Variants in SLC16A9 observed in about 807,000 individuals in gnomAD.
SLC16A9 encodes the protein monocarboxylate transporter 9.
SLC16A9 carries 26 observed loss-of-function variants against 44.3 expected under a neutral mutation model. The ratio of observed to expected loss-of-function variants is 0.59; its 90% CI spans 0.43 to 0.81. The LOEUF (loss-of-function observed/expected upper bound fraction) is 0.81, where lower values mean the gene tolerates loss of function less well. SLC16A9 is among the 40% of genes least tolerant of loss of function. The probability of loss-of-function intolerance (pLI) is 0.00; values close to 1 mark genes in which losing one functional copy is unlikely to be tolerated. For missense variants in SLC16A9, 559 were observed against 595.8 expected (o/e 0.94, Z 0.64); for synonymous variants, 230 against 225.1 (o/e 1.02, Z -0.19).
intron 1 of SLC16A9, among the ~76,000 whole-genome samples, chr10:59,702,269 G>A (rs1393291638): frequency 2.0e-5 from 3 of 152,162 alleles, no homozygotes; most frequent in Non-Finnish European, 2.9e-5. Flanking sequence ...CCAAATACAT[G>A]AGTAAAAAAA....
intron 3 of SLC16A9, among the ~76,000 whole-genome samples, chr10:59,666,344 TC>T (rs1768183877): frequency 6.6e-6 from 1 of 151,640 alleles, no homozygotes; most frequent in African/African-American, 2.4e-5. Context: ...GCATGATTCC[TC>T]TCTTCATCTG....
At chr10:59,683,400 A>C (rs867140443) in intron 2 of SLC16A9, among the ~76,000 whole-genome samples, 3 of 152,238 alleles carry the variant, frequency 2.0e-5, no homozygotes, top group African/African-American at 7.2e-5. Context: ...AGGAATCACT[A>C]TTACATCATA....
At chr10:59,696,798 G>T (rs576850127) in intron 1 of SLC16A9, among the ~76,000 whole-genome samples, 2 of 150,588 alleles carry the variant, frequency 1.3e-5, no homozygotes, top group Admixed American at 6.6e-5. Context: ...CAACCGCCCC[G>T]TCTGAGAAGT....
At chr10:59,673,417 C>G (rs984734560) in intron 2 of SLC16A9, among the ~76,000 whole-genome samples, 33 of 152,192 alleles carry the variant, frequency 2.2e-4, no homozygotes, top group African/African-American at 7.5e-4. Context: ...TAGTGAAATT[C>G]TTTCCTACTA....
intron 1 of SLC16A9, among the ~76,000 whole-genome samples, chr10:59,704,357 G>A (rs574755881): frequency 6.6e-6 from 1 of 152,086 alleles, no homozygotes; most frequent in Non-Finnish European, 1.5e-5. Flanking sequence ...GTGAAGATTT[G>A]TGATTGCCAC....
chr10:59,708,969 G>GCGCT (rs1840704251), intron 1 of SLC16A9, among the ~76,000 whole-genome samples: 1 of 152,226 alleles, frequency 6.6e-6, no homozygotes, highest in African/African-American at 2.4e-5. Context: ...CCTGCGCGCT[G>GCGCT]CGCTCCACGT....
chr10:59,676,294 T>C (rs1839856269), intron 2 of SLC16A9, among the ~76,000 whole-genome samples: 1 of 152,178 alleles, frequency 6.6e-6, no homozygotes, highest in Admixed American at 6.5e-5. Context: ...ACAAAATGTA[T>C]CAAAGTGACC....
intron 1 of SLC16A9, among the ~76,000 whole-genome samples, chr10:59,698,736 T>C (rs994216478): frequency 1.8e-4 from 27 of 151,908 alleles, no homozygotes; most frequent in African/African-American, 5.6e-4. Context: ...GTCTCTCTTT[T>C]TTTTTTTTTC....
At chr10:59,675,014 G>GA (rs1442767026) in intron 2 of SLC16A9, among the ~76,000 whole-genome samples, 1 of 152,042 alleles carries the variant, frequency 6.6e-6, no homozygotes, top group African/African-American at 2.4e-5. Flanking sequence ...TAAGCATTAG[G>GA]AAAAAATGAA....
chr10:59,672,857 T>G lies in SLC16A9; in HGVS notation c.253A>C (p.Ser85Arg). Residue 85 changes from serine to arginine, a missense_variant, in exon 3 of 6, where the codon AGT (serine) becomes CGT (arginine). Physicochemically the swap from Ser to Arg is moderately radical, Grantham distance 110. Coordinates refer to ENST00000395348, the MANE Select transcript of SLC16A9 (RefSeq NM_194298.3). ...AGGCCTCCAGCCACCATGAAGCCAC[T>G]GAAGATTGTGACAGGTCTTGCTCCA... is the stretch of plus-strand genomic sequence containing the variant. ...SFGARPVTIFSGFMVAGGLML... is the reference protein window; with the variant it reads ...SFGARPVTIFRGFMVAGGLML... 6 of 1,613,752 alleles carry G rather than the reference T, an allele frequency of 3.7e-6. No individual in the cohort carries two copies. Among genetic ancestry groups the G allele is most frequent in the Non-Finnish European group, 4.2e-6 (5 of 1,179,820 alleles).
At chr10:59,656,419 C>T (rs1316032723) in intron 4 of SLC16A9, among the ~76,000 whole-genome samples, 2 of 152,188 alleles carry the variant, frequency 1.3e-5, no homozygotes, top group Non-Finnish European at 2.9e-5. Context: ...AACAACTTTC[C>T]TATTCTTGCC....
In SLC16A9 at chr10:59,652,784, G is replaced by A. The variant is rs756531478; in HGVS notation, c.1518C>T (p.Ala506=). The A allele has an allele frequency of 6.2e-7, 1 of 1,610,706 alleles. No individual in the cohort carries two copies. The highest frequency in any genetic ancestry group is 1.1e-5 in the South Asian group (1 of 90,104). Residue 506 remains alanine (A), a synonymous_variant, in exon 6 of 6, where the codon GCC becomes GCT. Coordinates refer to ENST00000395348, the MANE Select transcript of SLC16A9 (RefSeq NM_194298.3). ...PAPTTFLYKV[A]SNV is the part of the protein sequence containing the mutation. ...TTCCAATATTCTTCTAAACATTAGA[G>A]GCAACTTTGTACAAGAAAGTTGTTG...
intron 2 of SLC16A9, among the ~76,000 whole-genome samples, chr10:59,676,995 A>G (rs1588976326): frequency 1.2e-5 from 1 of 81,036 alleles, no homozygotes; most frequent in Non-Finnish European, 4.0e-5. Flanking sequence ...AAATGTTTAA[A>G]TAAGCTAATA....
intron 3 of SLC16A9, among the ~76,000 whole-genome samples, chr10:59,668,117 GCCTTCAGTACTTTT>G (rs1171172667): frequency 6.6e-6 from 1 of 151,498 alleles, no homozygotes; most frequent in Non-Finnish European, 1.5e-5. Flanking sequence ...AGCTGTCTCA[GCCTTCAGTACTTTT>G]CCCACCAATC....
intron 1 of SLC16A9, among the ~76,000 whole-genome samples, chr10:59,696,479 C>T (rs1840378460): frequency 6.6e-6 from 1 of 152,202 alleles, no homozygotes; most frequent in African/African-American, 2.4e-5. Context: ...AGCTGCCTGC[C>T]TTGGCCCCCC....
intron 4 of SLC16A9, among the ~76,000 whole-genome samples, chr10:59,660,932 G>A (rs1016890260): frequency 2.6e-5 from 4 of 152,114 alleles, no homozygotes; most frequent in African/African-American, 9.7e-5. Flanking sequence ...ATGCAGAAAA[G>A]GCCTTCGATA....
At chr10:59,679,966 A>T (rs1839951014) in intron 2 of SLC16A9, among the ~76,000 whole-genome samples, 1 of 152,170 alleles carries the variant, frequency 6.6e-6, no homozygotes, top group Non-Finnish European at 1.5e-5. Context: ...ATTCTCCTTG[A>T]TATTTGTGAA....
At chr10:59,660,444 A>C (rs1018143271) in intron 4 of SLC16A9, among the ~76,000 whole-genome samples, 5 of 152,200 alleles carry the variant, frequency 3.3e-5, no homozygotes, top group Non-Finnish European at 5.9e-5. Flanking sequence ...TCCCAAGACT[A>C]AACCAGGAAG....
chr10:59,662,306 C>A (rs1839493194), intron 4 of SLC16A9, among the ~76,000 whole-genome samples: 1 of 150,980 alleles, frequency 6.6e-6, no homozygotes, highest in African/African-American at 2.4e-5. Context: ...AAAAACCCAT[C>A]AAAAAGTGGT....
Sources: gnomAD v4.1 joint callset for allele counts (sites outside exome capture counted in the v4.1 genomes callset) on GRCh38, gnomAD v4.1.1 for gene constraint, MANE v1.5 for transcripts, NCBI Gene and HGNC (gene_info 2026-07-23, HGNC 2026-07-21) for gene names.